The following SZT2 variants were observed in gnomAD, a reference collection of about 807,000 sequenced individuals.
SZT2 encodes KICSTOR complex protein SZT2.
In SZT2, 216 loss-of-function variants were observed where a neutral mutation model predicts 404.2. The ratio of observed to expected loss-of-function variants is 0.53; its 90% confidence interval spans 0.48 to 0.60. SZT2 has a LOEUF of 0.60. SZT2 is among the 20% of genes least tolerant of loss of function. SZT2 has a pLI of 0.00. For missense variants in SZT2, 3,857 were observed against 4,459.2 expected (o/e 0.86, Z 3.85); for synonymous variants, 1,693 against 1,749.9 (o/e 0.97, Z 0.81).
chr1:43,415,694 T>C (rs1651626078), intron 5 of SZT2, among the ~76,000 whole-genome samples: 1 of 152,186 alleles, frequency 6.6e-6, no homozygotes, highest in Admixed American at 6.5e-5. Flanking sequence ...AAAGGGGCCC[T>C]TCTTGGCAAA....
At chr1:43,434,356 A>T (rs1654239723) in intron 40 of SZT2, 30 bp from the exon 41 acceptor site, 2 of 1,558,194 alleles carry the variant, frequency 1.3e-6, no homozygotes, top group Non-Finnish European at 1.7e-6. Flanking sequence ...TCCCCACTGC[A>T]GTTCTGGTCA....
chr1:43,408,485 C>G (rs767453154), intron 4 of SZT2, among the ~76,000 whole-genome samples: 1 of 151,948 alleles, frequency 6.6e-6, no homozygotes, highest in Non-Finnish European at 1.5e-5. Flanking sequence ...AGGCTGGTCT[C>G]AAACTCTTGA....
intron 66 of SZT2, among the ~76,000 whole-genome samples, 177 bp downstream of exon 66, chr1:43,447,345 A>T (rs1400826823): frequency 3.3e-5 from 5 of 151,714 alleles, no homozygotes; most frequent in Non-Finnish European, 5.9e-5. Flanking sequence ...CAGAGTTTGG[A>T]CCCCATGTCA....
chr1:43,407,827 CTTTTTTT>C (rs1273177130), intron 4 of SZT2, among the ~76,000 whole-genome samples: 2 of 94,466 alleles, frequency 2.1e-5, no homozygotes, highest in African/African-American at 7.6e-5. Flanking sequence ...AAATTCTAAC[CTTTTTTT>C]TTTTTTTTTT....
chr1:43,391,974 C>T lies in SZT2; in HGVS notation c.27+1979C>T, dbSNP rs1255371253. Reference sequence around the variant, plus strand: ...TGGCGGGCGCCTGTAGTCCCAGCTACTCGGGAGGCTGAGGCAGGAGAATGG... The same window carrying T: ...TGGCGGGCGCCTGTAGTCCCAGCTATTCGGGAGGCTGAGGCAGGAGAATGG... On this transcript the variant is annotated intron_variant, in intron 1 of 71. Coordinates refer to ENST00000634258, the MANE Select transcript of SZT2 (RefSeq NM_001365999.1). 3.0e-5 allele frequency among the ~76,000 whole-genome samples: 2 copies of T among 66,966 alleles called. 1 individual carries two copies. The highest frequency in any genetic ancestry group is 1.3e-4 in the African/African-American group (2 of 15,954). 43.9% of individuals were successfully genotyped at this position (66,966 alleles called of 152,430 possible).
chr1:43,454,017 G>A lies in SZT2; in HGVS notation c.*3537G>A, dbSNP rs1557620134. On this transcript the variant is annotated 3_prime_UTR_variant, in exon 72 of 72. Transcript: ENST00000634258. ...GGAGAGGCGAAGGGGCGGAGCGAGGGCGGCCGGAAAAGGAGCAGGACCCGC... is the reference window on the plus strand; with the variant it reads ...GGAGAGGCGAAGGGGCGGAGCGAGGACGGCCGGAAAAGGAGCAGGACCCGC... 2 of 1,170,944 alleles carry A rather than the reference G, an allele frequency of 1.7e-6. No homozygotes were observed. The highest frequency in any genetic ancestry group is 1.1e-6 in the Non-Finnish European group (1 of 949,550). 72.5% of individuals were successfully genotyped at this position (1,170,944 alleles called of 1,614,324 possible).
intron 4 of SZT2, among the ~76,000 whole-genome samples, chr1:43,413,275 C>G (rs751946355): frequency 1.3e-5 from 2 of 152,096 alleles, no homozygotes; most frequent in Admixed American, 6.6e-5. Context: ...CCCAGCTACT[C>G]GGGAGCCTGA....
Position 43,442,953 on chromosome 1 carries a change from C to G in SZT2, c.8286C>G (p.Phe2762Leu). 6.2e-7 allele frequency: 1 copy of G among 1,614,148 alleles called. No homozygotes were observed. The highest frequency in any genetic ancestry group is 8.5e-7 in the Non-Finnish European group (1 of 1,180,016). ...RGGGPLPLDT[F>L]PFDEALRDIT... ...GGGGTCCTCTTCCCCTGGACACATT[C>G]CCCTTTGACGAGGCCCTAAGGGATA... The change falls in exon 59 of 72, where the codon TTC becomes TTG. Residue 2762 changes from phenylalanine (F) to leucine (L), a missense_variant. Coordinates refer to ENST00000634258, the MANE Select transcript of SZT2 (RefSeq NM_001365999.1). This position sits in a 1 kb window ranked among gnomAD's most constrained non-coding sequence, Gnocchi z 4.5.
In SZT2 at chr1:43,453,830, C is replaced by A; in HGVS notation, c.*3350C>A. The A allele has an allele frequency of 8.1e-7, 1 of 1,236,784 alleles. No individual in the cohort carries two copies. Among genetic ancestry groups the A allele is most frequent in the East Asian group, 3.3e-5 (1 of 30,566 alleles). The allele number at this position is 1,236,784 out of a possible 1,614,324, so 76.6% of individuals were successfully genotyped here. ...CCGGGCCGGGCGGAGTCCGCGGGAT[C>A]CAAAGGCGGCGGGCGGCGGGCGGCG... On this transcript the variant is annotated 3_prime_UTR_variant, in exon 72 of 72. Coordinates refer to ENST00000634258, the MANE Select transcript of SZT2 (RefSeq NM_001365999.1).
chr1:43,450,078 G>T lies in SZT2; in HGVS notation c.10087-25G>T. ...CTGTGGGAGGGTCTGTAGGGTCTGTGTCCCCTCCTCATCTTTCACTGCAGG... is the reference window on the plus strand; with the variant it reads ...CTGTGGGAGGGTCTGTAGGGTCTGTTTCCCCTCCTCATCTTTCACTGCAGG... On this transcript the variant is annotated intron_variant, in intron 70 of 71. Coordinates refer to ENST00000634258, the MANE Select transcript of SZT2 (RefSeq NM_001365999.1). The surrounding 1 kb of genome is among the most constrained non-coding windows in gnomAD (Gnocchi z 4.3). 6.2e-7 allele frequency: 1 copy of T among 1,613,938 alleles called. No individual in the cohort carries two copies. The highest frequency in any genetic ancestry group is 1.1e-5 in the South Asian group (1 of 91,084).
chr1:43,429,522 T>C (rs1456569820), intron 28 of SZT2, 181 bp from the exon 29 acceptor site: 3 of 639,026 alleles, frequency 4.7e-6, no homozygotes, highest in East Asian at 2.7e-5. Flanking sequence ...AAAAGAAATA[T>C]GGAGGTTAAA....
intron 51 of SZT2, 122 bp from the exon 52 acceptor site, chr1:43,440,330 TA>T: frequency 7.2e-7 from 1 of 1,381,676 alleles, no homozygotes. Flanking sequence ...CAGTTGTATA[TA>T]CTGTCATTCA....
intron 7 of SZT2, among the ~76,000 whole-genome samples, chr1:43,417,846 G>A (rs955404370): frequency 2.6e-5 from 4 of 152,210 alleles, no homozygotes; most frequent in African/African-American, 9.6e-5. Context: ...AGAACTTTGG[G>A]GAACACCAGT....
In SZT2 at chr1:43,441,117, C is replaced by T. The variant is rs1396308425; in HGVS notation, c.7345-97C>T. 8.1e-6 allele frequency: 12 copies of T among 1,478,964 alleles called. No individual in the cohort carries two copies. Among genetic ancestry groups the T allele is most frequent in the African/African-American group, 7.0e-5 (5 of 71,672 alleles). 91.6% of individuals were successfully genotyped at this position (1,478,964 alleles called of 1,614,324 possible). Reference sequence around the variant, plus strand: ...GGGAAGCCAGGGTCTGAACCCAGACCTCTGAATCCTCCTAGCTCACTGCTG... The same window carrying T: ...GGGAAGCCAGGGTCTGAACCCAGACTTCTGAATCCTCCTAGCTCACTGCTG... On this transcript the variant is annotated intron_variant, in intron 52 of 71. Transcript: ENST00000634258. The surrounding 1 kb of genome is among the most constrained non-coding windows in gnomAD (Gnocchi z 4.8).
rs1652253415 is a variant in SZT2, at chr1:43,420,744, C to A, written c.1262-5C>A. 1.9e-6 allele frequency: 3 copies of A among 1,598,288 alleles called. No homozygotes were observed. The highest frequency in any genetic ancestry group is 2.5e-6 in the Non-Finnish European group (3 of 1,179,710). ...TCCTAACTGGCCCTTCCGCTTCTCC[C>A]TAAGGAGGGTCCCAATTGGAGGTAA... On this transcript the variant is annotated splice_region_variant and splice_polypyrimidine_tract_variant and intron_variant, in intron 9 of 71. Transcript: ENST00000634258. The surrounding 1 kb of genome is among the most constrained non-coding windows in gnomAD (Gnocchi z 5.1).
At chr1:43,423,771 C>T (rs1652774583) in intron 15 of SZT2, among the ~76,000 whole-genome samples, 1 of 137,214 alleles carries the variant, frequency 7.3e-6, no homozygotes, top group Admixed American at 7.5e-5. Context: ...ATGAGTAGGT[C>T]AGAGGTGTGG....
At chr1:43,444,701 T>C (rs903947827) in intron 62 of SZT2, among the ~76,000 whole-genome samples, 2 of 152,170 alleles carry the variant, frequency 1.3e-5, no homozygotes, top group African/African-American at 4.8e-5. Flanking sequence ...TCATCCACTG[T>C]CAAATCTCAG....
rs760902144 is a variant in SZT2, at chr1:43,424,704, G to A, written c.2472-80G>A. On this transcript the variant is annotated intron_variant, in intron 16 of 71. Transcript: ENST00000634258. The surrounding 1 kb of genome is among the most constrained non-coding windows in gnomAD (Gnocchi z 4.1). ...CTCCTTGAGGACTGCTGGGAGGTGGGTGTATGTGGGGAGAGCTTGTAGTCT... is the reference window on the plus strand; with the variant it reads ...CTCCTTGAGGACTGCTGGGAGGTGGATGTATGTGGGGAGAGCTTGTAGTCT... The A allele has an allele frequency of 3.2e-6, 4 of 1,247,086 alleles. No individual in the cohort carries two copies. The highest frequency in any genetic ancestry group is 4.7e-6 in the Non-Finnish European group (4 of 858,382). 77.3% of individuals were successfully genotyped at this position (1,247,086 alleles called of 1,614,324 possible).
rs1486989745 is a variant in SZT2 at position 43,452,351 on chromosome 1, C to A, written c.*1871C>A. ...GGAAGATGGACTGGAGGCCTTGCCT[C>A]CCTTGGCTCTCTCTGCACCTCTTCC... On this transcript the variant is annotated 3_prime_UTR_variant, in exon 72 of 72. Transcript: ENST00000634258. 1 of 1,550,140 alleles carries A rather than the reference C, an allele frequency of 6.5e-7. No individual in the cohort carries two copies. Among genetic ancestry groups the A allele is most frequent in the Admixed American group, 1.7e-5 (1 of 58,932 alleles).
Sources: gnomAD v4.1 joint callset for allele counts (sites outside exome capture counted in the v4.1 genomes callset) on GRCh38, gnomAD v4.1.1 for gene constraint, Gnocchi (gnomAD v3.1) non-coding constraint, MANE v1.5 for transcripts, NCBI Gene and HGNC (gene_info 2026-07-23, HGNC 2026-07-21) for gene names.